The following KIRREL1 variants were observed in gnomAD, a reference collection of about 807,000 sequenced individuals.
KIRREL1 encodes kin of IRRE-like protein 1.
In KIRREL1, 25 loss-of-function variants were observed where a neutral mutation model predicts 83.3. The ratio of observed to expected loss-of-function variants is 0.30; its 90% confidence interval spans 0.22 to 0.42. KIRREL1 has a LOEUF of 0.42. Among genes scored for constraint, KIRREL1 ranks in the 10% least tolerant of loss-of-function variants. The pLI is 1.00. For synonymous variants in KIRREL1, 388 were observed against 410.4 expected (o/e 0.95, Z 0.66); for missense variants, 812 against 1,032.3 (o/e 0.79, Z 2.92).
chr1:158,079,663 A>G (rs1293850586), intron 3 of KIRREL1, among the ~76,000 whole-genome samples: 1 of 152,230 alleles, frequency 6.6e-6, no homozygotes, highest in Non-Finnish European at 1.5e-5. Flanking sequence ...AGGTGAGAAC[A>G]TAACAAGTCC....
rs529578814 is a variant in KIRREL1, at chr1:158,036,387, G to A, written c.53-39726G>A. On this transcript the variant is annotated intron_variant, in intron 1 of 14. Transcript: ENST00000359209. ...AGGTGGCTTAGGGAGCTAAACTAAC[G>A]TGGAGAATATGCAGCTTTTTTGCAG... 2.6e-5 allele frequency among the ~76,000 whole-genome samples: 4 copies of A among 152,292 alleles called. No homozygotes were observed. In the South Asian group the frequency reaches 8.3e-4, roughly 32 times the overall value.
chr1:158,055,274 C>T (rs988247409), intron 1 of KIRREL1, among the ~76,000 whole-genome samples: 6 of 152,174 alleles, frequency 3.9e-5, no homozygotes, highest in East Asian at 1.9e-4. Context: ...GCCTGACTTT[C>T]GCTGTCATGA....
intron 1 of KIRREL1, among the ~76,000 whole-genome samples, chr1:158,052,623 C>CAAA (rs34175701): frequency 7.6e-6 from 1 of 131,918 alleles, no homozygotes; most frequent in Non-Finnish European, 1.6e-5. Flanking sequence ...ACTAAAAATA[C>CAAA]AAAAAAAAAA....
intron 1 of KIRREL1, among the ~76,000 whole-genome samples, chr1:158,000,327 A>G (rs1279045828): frequency 6.6e-6 from 1 of 152,160 alleles, no homozygotes; most frequent in Non-Finnish European, 1.5e-5. Context: ...CATTTTTGTG[A>G]GTCATTTTTC....
intron 1 of KIRREL1, among the ~76,000 whole-genome samples, chr1:157,997,468 G>GGGGTGT (rs1553234985): frequency 2.0e-5 from 3 of 149,602 alleles, no homozygotes; most frequent in East Asian, 3.9e-4. Context: ...TTCTTTGTGG[G>GGGGTGT]GTGTGTGTGT....
rs1483625000 is a variant in KIRREL1 at position 158,096,866 on chromosome 1, T to C, written c.*1746T>C. 2.2e-6 allele frequency: 1 copy of C among 456,680 alleles called. No homozygotes were observed. Among genetic ancestry groups the C allele is most frequent in the Non-Finnish European group, 4.4e-6 (1 of 226,972 alleles). The allele number at this position is 456,680 out of a possible 1,614,324, so 28.3% of individuals were successfully genotyped here. A position where few individuals can be genotyped will look rare whatever the true frequency, so the allele number is the denominator to read the frequency against. On this transcript the variant is annotated 3_prime_UTR_variant, in exon 15 of 15. Transcript: ENST00000359209. ...TCTGGTGCAGTTCCCAAAATGTTCCTCGCCCTTTCTCCGTGGTCACCATTC... is the reference window on the plus strand; with the variant it reads ...TCTGGTGCAGTTCCCAAAATGTTCCCCGCCCTTTCTCCGTGGTCACCATTC...
chr1:158,097,805 T>C lies in KIRREL1; in HGVS notation c.*2685T>C, dbSNP rs1662392074. 2 of 152,196 alleles carry C rather than the reference T, an allele frequency of 1.3e-5. No individual in the cohort carries two copies. Among genetic ancestry groups the C allele is most frequent in the African/African-American group, 4.8e-5 (2 of 41,418 alleles). 9.4% of individuals were successfully genotyped at this position (152,196 alleles called of 1,614,324 possible). ...TCCTGATCACCTTTGGTGGCTTGTT[T>C]TAGTGGAAAGAGCAAGGGACTAAAG... is the stretch of plus-strand genomic sequence containing the variant. On this transcript the variant is annotated 3_prime_UTR_variant, in exon 15 of 15. Transcript: ENST00000359209.
Position 158,091,360 on chromosome 1 carries a change from A to G in KIRREL1, c.1275A>G (p.Ala425=). The G allele has an allele frequency of 2.5e-6, 4 of 1,613,390 alleles. No individual in the cohort carries two copies. The highest frequency in any genetic ancestry group is 3.4e-6 in the Non-Finnish European group (4 of 1,179,612). ...IGSTPPPDRI[A]WAWKENFLEV... is the part of the protein sequence containing the mutation. ...TCTTCCTTCCCTCTCCACCACAGGC[A>G]TGGGCCTGGAAGGAGAACTTCTTGG... The change falls in exon 11 of 15, where the codon GCA becomes GCG. Residue 425 remains alanine (A), a splice_region_variant and synonymous_variant. Coordinates refer to ENST00000359209, the MANE Select transcript of KIRREL1 (RefSeq NM_018240.7).
At chr1:158,077,362 T>C (rs1000814140) in intron 2 of KIRREL1, among the ~76,000 whole-genome samples, 4 of 151,860 alleles carry the variant, frequency 2.6e-5, no homozygotes, top group African/African-American at 7.3e-5. Context: ...CAGAGGGAGA[T>C]CATGGGAAGG....
In KIRREL1 at chr1:158,000,067, G is replaced by A. The variant is rs892896559; in HGVS notation, c.52+6339G>A. 7.9e-5 allele frequency among the ~76,000 whole-genome samples: 12 copies of A among 151,184 alleles called. 1 individual carries two copies. The highest frequency in any genetic ancestry group is 4.6e-4 in the Admixed American group (7 of 15,110). On this transcript the variant is annotated intron_variant, in intron 1 of 14. Transcript: ENST00000359209. ...CTAGAACCCAAGCAGGAAAGATGGG[G>A]TGGGGGCTGAGGATAATTCCTAGAA...
At chr1:158,056,113 C>T (rs1333173429) in intron 1 of KIRREL1, among the ~76,000 whole-genome samples, 1 of 152,186 alleles carries the variant, frequency 6.6e-6, no homozygotes, top group African/African-American at 2.4e-5. Context: ...GGATACACTC[C>T]TCGCCCCCCC....
chr1:158,035,953 A>G (rs115878210), intron 1 of KIRREL1, among the ~76,000 whole-genome samples: 1 of 152,242 alleles, frequency 6.6e-6, no homozygotes, highest in Non-Finnish European at 1.5e-5. Context: ...GCCAGGGGGA[A>G]CTGGTATTTC....
rs778661101 is a variant in KIRREL1 at position 158,093,703 on chromosome 1, C to G, written c.1660C>G (p.Arg554Gly). ...AGAGCCACTTACGATGCATTCTGAC[C>G]GGGAGGATGACACCGCCAGCGTCTC... ...NREPLTMHSD[R>G]EDDTASVSTA... is the part of the protein sequence containing the mutation. The change falls in exon 13 of 15, where the codon CGG becomes GGG. Residue 554 changes from arginine to glycine, a missense_variant. Transcript: ENST00000359209. 1 of 1,614,120 alleles carries G rather than the reference C, an allele frequency of 6.2e-7. No individual in the cohort carries two copies. Among genetic ancestry groups the G allele is most frequent in the South Asian group, 1.1e-5 (1 of 91,066 alleles).
At chr1:158,050,298 T>A (rs1310936918) in intron 1 of KIRREL1, among the ~76,000 whole-genome samples, 1 of 152,052 alleles carries the variant, frequency 6.6e-6, no homozygotes, top group Non-Finnish European at 1.5e-5. Flanking sequence ...GGAAATTTCC[T>A]TGACTCCTTG....
At position 158,094,855 on chromosome 1, in the gene KIRREL1, C is replaced by T. The variant is rs1015822007; in HGVS notation, c.2009C>T (p.Pro670Leu). 4 of 1,614,024 alleles carry T rather than the reference C, an allele frequency of 2.5e-6. No homozygotes were observed. The highest frequency in any genetic ancestry group is 3.4e-6 in the Non-Finnish European group (4 of 1,179,968). ...DYGPEPTPPG[P>L]AAPAGTDTTS... Reference sequence around the variant, plus strand: ...GGCCCTGAGCCCACACCCCCTGGCCCTGCTGCCCCAGCTGGCACTGACACA... The same window carrying T: ...GGCCCTGAGCCCACACCCCCTGGCCTTGCTGCCCCAGCTGGCACTGACACA... The change falls in exon 15 of 15, where the codon CCT becomes CTT. Residue 670 changes from proline (P) to leucine (L), a missense_variant. By Grantham distance (98) the Pro-to-Leu change is moderately conservative. Around this residue, in one of 3 missense-constraint regions of KIRREL1, gnomAD observed 334 missense variants for 383.7 expected, o/e 0.87. Transcript: ENST00000359209. The surrounding 1 kb of genome is among the most constrained non-coding windows in gnomAD (Gnocchi z 4.6).
intron 1 of KIRREL1, among the ~76,000 whole-genome samples, chr1:158,007,292 C>T (rs562187942): frequency 3.9e-5 from 6 of 152,188 alleles, no homozygotes; most frequent in Admixed American, 6.5e-5. Context: ...GGGTCATCAG[C>T]GAGGGACGTT....
At chr1:157,993,890 G>C (rs1659116327) in intron 1 of KIRREL1, among the ~76,000 whole-genome samples, 162 bp downstream of exon 1, 1 of 152,188 alleles carries the variant, frequency 6.6e-6, no homozygotes, top group Non-Finnish European at 1.5e-5. Flanking sequence ...CCCTGGGGGA[G>C]GGGGCGCGGA....
intron 1 of KIRREL1, among the ~76,000 whole-genome samples, chr1:158,041,876 G>C (rs1375181867): frequency 6.6e-6 from 1 of 152,162 alleles, no homozygotes; most frequent in Non-Finnish European, 1.5e-5. Flanking sequence ...TGGAGTGGAA[G>C]GGCATGGATT....
At chr1:158,010,146 A>G (rs956576497) in intron 1 of KIRREL1, among the ~76,000 whole-genome samples, 2 of 152,082 alleles carry the variant, frequency 1.3e-5, no homozygotes, top group African/African-American at 4.8e-5. Context: ...TTCCCAAATG[A>G]GGCCCTGGAT....
Sources: gnomAD v4.1 joint callset for allele counts (sites outside exome capture counted in the v4.1 genomes callset) on GRCh38, gnomAD v4.1.1 for gene constraint, gnomAD v4.1.1 regional missense constraint, Gnocchi (gnomAD v3.1) non-coding constraint, MANE v1.5 for transcripts, NCBI Gene and HGNC (gene_info 2026-07-23, HGNC 2026-07-21) for gene names.